The following ACTR10 variants were observed in gnomAD, a reference collection of about 807,000 sequenced individuals.
ACTR10 encodes the protein actin related protein 10, also known as actin-related protein 10.
Under a neutral mutation model 56.2 loss-of-function variants are expected in ACTR10, and 43 were observed. The observed-to-expected ratio is 0.77, with a 90% CI of 0.60 to 0.99. ACTR10 has a LOEUF of 0.99. Ranked by LOEUF, ACTR10 falls within the 50% of genes least tolerant of loss-of-function variation. The pLI is 0.00. For synonymous variants in ACTR10, 170 were observed against 176.3 expected (o/e 0.96, Z 0.28); for missense variants, 466 against 507.8 (o/e 0.92, Z 0.79).
intron 10 of ACTR10, among the ~76,000 whole-genome samples, chr14:58,225,287 C>G (rs912805624): frequency 2.6e-5 from 4 of 152,066 alleles, no homozygotes; most frequent in African/African-American, 9.7e-5. Flanking sequence ...GTCTGATGAT[C>G]CAATATAAGT....
chr14:58,234,601 A>G lies in ACTR10; in HGVS notation c.*50A>G, dbSNP rs754143694. Reference sequence around the variant, plus strand: ...CTTCATATCAAATATTTAACCAATTATAAGCAAATTGTACAAAGTATGTAG... The same window carrying G: ...CTTCATATCAAATATTTAACCAATTGTAAGCAAATTGTACAAAGTATGTAG... On this transcript the variant is annotated 3_prime_UTR_variant, in exon 13 of 13. Transcript: ENST00000254286. The G allele has an allele frequency of 1.0e-5, 16 of 1,544,738 alleles. No homozygotes were observed. Among genetic ancestry groups the G allele is most frequent in the Non-Finnish European group, 1.4e-5 (16 of 1,132,414 alleles).
At chr14:58,204,069 G>A (rs1292544055) in intron 2 of ACTR10, among the ~76,000 whole-genome samples, 1 of 152,002 alleles carries the variant, frequency 6.6e-6, no homozygotes, top group Non-Finnish European at 1.5e-5. Context: ...TGTGGCTGGA[G>A]GCTGTCTTAG....
Position 58,230,438 on chromosome 14 carries a change from A to C in ACTR10, c.828A>C (p.Glu276Asp). The C allele has an allele frequency of 6.3e-7, 1 of 1,589,736 alleles. No homozygotes were observed. The highest frequency in any genetic ancestry group is 8.5e-7 in the Non-Finnish European group (1 of 1,170,416). ...AAATTCTTTTTGAACAAGATAATGA[A>C]GAGCAATCAGTTGCCACTTTAATAT... ...VVEILFEQDN[E>D]EQSVATLILD... The change falls in exon 11 of 13, where the codon GAA (glutamate) becomes GAC (aspartate). Residue 276 changes from glutamate to aspartate, a missense_variant. Transcript: ENST00000254286.
At chr14:58,229,618 C>T (rs1889482968) in intron 10 of ACTR10, among the ~76,000 whole-genome samples, 1 of 148,042 alleles carries the variant, frequency 6.8e-6, no homozygotes, top group East Asian at 2.0e-4. Flanking sequence ...GCGGAGCTTG[C>T]AGTGAGCCGA....
rs2140040330 is a variant in ACTR10 at position 58,202,868 on chromosome 14, G to A, written c.91G>A (p.Gly31Arg). 3 of 1,605,362 alleles carry A rather than the reference G, an allele frequency of 1.9e-6. No homozygotes were observed. The Middle Eastern group carries it at 5.0e-4, about 266-fold the overall frequency. ...ATTTATTTGCAGGTGTGGATTTGCT[G>A]GAGAAACTGGTCCAAGATGTATAAT... ...GEAFTKCGFA[G>R]ETGPRCIIPS... Residue 31 changes from glycine (G) to arginine (R), a missense_variant, in exon 2 of 13, where the codon GGA becomes AGA. Physicochemically the swap from Gly to Arg is moderately radical, Grantham distance 125. Coordinates refer to ENST00000254286, the MANE Select transcript of ACTR10 (RefSeq NM_018477.3).
intron 11 of ACTR10, 53 bp downstream of exon 11, chr14:58,230,533 A>C (rs1046403678): frequency 1.1e-6 from 1 of 938,362 alleles, no homozygotes; most frequent in Non-Finnish European, 1.5e-6. Context: ...TTTAAATATA[A>C]ATTTTAAATG....
Position 58,202,928 on chromosome 14 carries a change from G to A in ACTR10, c.150+1G>A. 6.5e-7 allele frequency: 1 copy of A among 1,533,924 alleles called. No individual in the cohort carries two copies. Among genetic ancestry groups the A allele is most frequent in the East Asian group, 2.3e-5 (1 of 43,430 alleles). On this transcript the variant is annotated splice_donor_variant, in intron 2 of 12. Transcript: ENST00000254286. LOFTEE classifies it high-confidence loss of function. ...GATAAAAAGAGCTGGGATGCCTAAG[G>A]TATTTAAAAAAAAATATTAGCAAAA... is the stretch of plus-strand genomic sequence containing the variant.
chr14:58,210,230 C>G lies in ACTR10; in HGVS notation c.343-1062C>G, dbSNP rs150211159. 1.0e-3 allele frequency among the ~76,000 whole-genome samples: 159 copies of G among 152,088 alleles called. 4 individuals are homozygous for G. The highest frequency in any genetic ancestry group is 8.4e-3 in the Admixed American group (129 of 15,276). On this transcript the variant is annotated intron_variant, in intron 4 of 12. Coordinates refer to ENST00000254286, the MANE Select transcript of ACTR10 (RefSeq NM_018477.3). Reference sequence around the variant, plus strand: ...GGACTGTCATATTTTGATTGAATATCTAGTATTTGAGATGGCACCAGGTTT... The same window carrying G: ...GGACTGTCATATTTTGATTGAATATGTAGTATTTGAGATGGCACCAGGTTT...
At chr14:58,202,803 C>A in intron 1 of ACTR10, 52 bp from the exon 2 acceptor site, 1 of 1,286,244 alleles carries the variant, frequency 7.8e-7, no homozygotes, top group Admixed American at 2.2e-5. Flanking sequence ...GTTTCTGTGA[C>A]AAATATTTAA....
intron 12 of ACTR10, among the ~76,000 whole-genome samples, chr14:58,233,695 T>C (rs934699566): frequency 2.6e-5 from 4 of 152,186 alleles, no homozygotes; most frequent in Non-Finnish European, 4.4e-5. Context: ...TGTAACTACT[T>C]TGAAGGGAAA....
chr14:58,207,767 C>T (rs1374841939), intron 2 of ACTR10, among the ~76,000 whole-genome samples, 169 bp from the exon 3 acceptor site: 1 of 152,162 alleles, frequency 6.6e-6, no homozygotes, highest in Non-Finnish European at 1.5e-5. Context: ...CATTCCGATT[C>T]TTAAGGATTC....
At chr14:58,226,523 TCTTA>T (rs1042938374) in intron 10 of ACTR10, among the ~76,000 whole-genome samples, 2 of 151,978 alleles carry the variant, frequency 1.3e-5, no homozygotes, top group African/African-American at 4.8e-5. Context: ...AGCCAGTATG[TCTTA>T]CTTTCCAAAC....
intron 4 of ACTR10, among the ~76,000 whole-genome samples, chr14:58,210,779 A>C (rs1266730375): frequency 6.6e-6 from 1 of 151,834 alleles, no homozygotes; most frequent in African/African-American, 2.4e-5. Context: ...GGTTCAAGCA[A>C]TTCTCCTGCC....
rs750911730 is a variant in ACTR10, at chr14:58,219,712, T to A, written c.617T>A (p.Val206Asp). The change falls in exon 8 of 13, where the codon GTC (valine) becomes GAC (aspartate). Residue 206 changes from valine (V) to aspartate (D), a missense_variant. By Grantham distance (152) the Val-to-Asp change is radical. Transcript: ENST00000254286. ...PSVMGSVPEGVLEDIKARTCF... is the reference protein window; with the variant it reads ...PSVMGSVPEGDLEDIKARTCF... The stretch of plus-strand genomic sequence containing the variant: ...GTTTTAGGTTCAGTTCCGGAAGGTG[T>A]CTTAGAGGACATTAAAGGTAAACTA... 2.0e-5 allele frequency: 30 copies of A among 1,527,772 alleles called. No homozygotes were observed. The highest frequency in any genetic ancestry group is 2.4e-5 in the Non-Finnish European group (27 of 1,137,818). The allele number at this position is 1,527,772 out of a possible 1,614,324, so 94.6% of individuals were successfully genotyped here.
chr14:58,213,605 T>C (rs1015394936), intron 5 of ACTR10, 26 bp from the exon 6 acceptor site: 12 of 1,508,392 alleles, frequency 8.0e-6, no homozygotes, highest in Admixed American at 5.5e-5. Context: ...TCTCCTAAAA[T>C]AGTAGTATCC....
intron 3 of ACTR10, among the ~76,000 whole-genome samples, chr14:58,208,571 T>C (rs547442205): frequency 4.6e-5 from 7 of 152,058 alleles, no homozygotes; most frequent in Admixed American, 3.3e-4. Context: ...AAAGAAAATA[T>C]CGCCAGGTGC....
intron 6 of ACTR10, among the ~76,000 whole-genome samples, chr14:58,214,057 A>G (rs968030656): frequency 3.3e-5 from 5 of 152,276 alleles, no homozygotes; most frequent in African/African-American, 7.2e-5. Context: ...AAAATGTACA[A>G]TTAAGTTATT....
chr14:58,208,365 T>G (rs1406539230), intron 3 of ACTR10, among the ~76,000 whole-genome samples: 1 of 152,124 alleles, frequency 6.6e-6, no homozygotes, highest in Non-Finnish European at 1.5e-5. Flanking sequence ...AATAAGCAAG[T>G]TAAAGAACCA....
At position 58,204,281 on chromosome 14, in the gene ACTR10, G is replaced by A. The variant is rs533336593; in HGVS notation, c.150+1354G>A. Among the ~76,000 whole-genome samples the A allele has an allele frequency of 2.0e-4, 30 of 152,230 alleles. No homozygotes were observed. In the South Asian group the frequency reaches 4.4e-3, roughly 22 times the overall value. On this transcript the variant is annotated intron_variant, in intron 2 of 12. Transcript: ENST00000254286. ...CACTGGTATTCCCAGCTACTTGGGA[G>A]GCTGAGGCAGGAGAATGGCGTGAAC...
Sources: allele counts gnomAD v4.1 joint callset (sites outside exome capture counted in the v4.1 genomes callset), GRCh38; gene constraint gnomAD v4.1.1; transcripts MANE v1.5; gene names NCBI Gene and HGNC (gene_info 2026-07-23, HGNC 2026-07-21).